MEGF10: variants seen among roughly 807,000 people sequenced by gnomAD.
The protein encoded by MEGF10 is multiple epidermal growth factor-like domains protein 10.
MEGF10 carries 86 observed loss-of-function variants against 147.5 expected under a neutral mutation model. The observed-to-expected ratio is 0.58, with a 90% CI of 0.49 to 0.70. The LOEUF is 0.70. Among genes scored for constraint, MEGF10 ranks in the 30% least tolerant of loss-of-function variants. The pLI is 0.00. For missense variants in MEGF10, 1,329 were observed against 1,487.3 expected, an observed-to-expected ratio of 0.89 and a Z score of 1.75; for synonymous variants, 478 against 525.5, an observed-to-expected ratio of 0.91 and a Z score of 1.24.
At chr5:127,259,926 G>T in the MEGF10 span, among the ~76,000 whole-genome samples, 728 of 152,276 alleles carry the variant, frequency 4.8e-3, 4 homozygotes, top group African/African-American at 0.017. Context: ...GGAGACTGAG[G>T]TGGGCAGATC....
At chr5:127,446,992 G>A (rs537514551) in intron 20 of MEGF10, among the ~76,000 whole-genome samples, 22 of 152,218 alleles carry the variant, frequency 1.4e-4, no homozygotes, top group Non-Finnish European at 2.5e-4. Context: ...CCACTCCTAT[G>A]GATCTTAAAT....
At chr5:127,419,387 C>G (rs923830205) in intron 11 of MEGF10, 147 bp downstream of exon 11, 6 of 943,048 alleles carry the variant, frequency 6.4e-6, no homozygotes, top group Admixed American at 2.5e-5. Flanking sequence ...CCAGTATGGG[C>G]TGGAACGCTT....
intron 1 of MEGF10, among the ~76,000 whole-genome samples, chr5:127,292,444 ATTG>A (rs1413908271): frequency 6.6e-6 from 1 of 152,222 alleles, no homozygotes; most frequent in African/African-American, 2.4e-5. Context: ...AGCATTAACT[ATTG>A]TTGTATCCCT....
At chr5:127,242,690 A>G in the MEGF10 span, among the ~76,000 whole-genome samples, 1 of 152,174 alleles carries the variant, frequency 6.6e-6, no homozygotes, top group Non-Finnish European at 1.5e-5. Flanking sequence ...ATTGTTTATT[A>G]GGTAAACTGC....
intron 23 of MEGF10, 27 bp downstream of exon 23, chr5:127,454,637 CAGA>C: frequency 6.3e-7 from 1 of 1,583,818 alleles, no homozygotes; most frequent in Non-Finnish European, 8.6e-7. Context: ...AAGAAGAAAT[CAGA>C]AGCACAATTA....
chr5:127,278,462 A>C, the MEGF10 span, among the ~76,000 whole-genome samples: 1 of 152,226 alleles, frequency 6.6e-6, no homozygotes, highest in Non-Finnish European at 1.5e-5. Flanking sequence ...AGTGAAGAGA[A>C]TAGCTGTAGG....
In MEGF10 at chr5:127,443,026, C is replaced by T. The variant is rs753273246; in HGVS notation, c.2391C>T (p.Gly797=). Residue 797 remains glycine (G), a synonymous_variant, in exon 19 of 25, where the codon GGC becomes GGT. Transcript: ENST00000503335. ...QKCPSGTYGY[G]CRQICDCLNN... The stretch of plus-strand genomic sequence containing the variant: ...GCCCTTCAGGAACATATGGCTATGG[C>T]TGTCGCCAGATATGTGATTGTCTGA... 4 of 1,613,464 alleles carry T rather than the reference C, an allele frequency of 2.5e-6. No homozygotes were observed. The African/African-American group carries it at 4.0e-5, about 16-fold the overall frequency.
intron 9 of MEGF10, among the ~76,000 whole-genome samples, chr5:127,412,899 C>G (rs74638597): frequency 0.021 from 3,147 of 152,250 alleles, 58 homozygotes; most frequent in Middle Eastern, 0.079. Flanking sequence ...GGTGATGGGG[C>G]TGACTGAGCC....
intron 5 of MEGF10, among the ~76,000 whole-genome samples, chr5:127,380,604 G>A (rs768827921): frequency 1.3e-5 from 2 of 150,892 alleles, no homozygotes; most frequent in African/African-American, 2.4e-5. Flanking sequence ...TGCAACCCCC[G>A]CCTCCTGGGT....
At chr5:127,395,365 C>T (rs970982120) in intron 5 of MEGF10, among the ~76,000 whole-genome samples, 7 of 151,708 alleles carry the variant, frequency 4.6e-5, no homozygotes, top group Non-Finnish European at 8.8e-5. Context: ...TTGTCTTTTA[C>T]CTGGTTTCGT....
At chr5:127,336,621 A>G (rs1294045878) in intron 2 of MEGF10, among the ~76,000 whole-genome samples, 1 of 152,114 alleles carries the variant, frequency 6.6e-6, no homozygotes, top group African/African-American at 2.4e-5. Flanking sequence ...ACTGGCCAGG[A>G]TGCATTTACT....
At chr5:127,400,991 T>C (rs921402969) in intron 7 of MEGF10, among the ~76,000 whole-genome samples, 2 of 152,216 alleles carry the variant, frequency 1.3e-5, no homozygotes, top group African/African-American at 4.8e-5. Flanking sequence ...TACCTTCATA[T>C]TGAAACGAAG....
Position 127,324,589 on chromosome 5 carries a change from G to A in MEGF10, c.-18-6702G>A, listed in dbSNP as rs75245911. Among the ~76,000 whole-genome samples the A allele has an allele frequency of 8.3e-3, 1,260 of 152,160 alleles. 19 individuals are homozygous for A. The highest frequency in any genetic ancestry group is 0.029 in the African/African-American group (1,202 of 41,516). ...CTAGGAAGGTCGTTCCACTTCACACGTGAGTGCAGTAACCTCCACACTCTG... is the reference window on the plus strand; with the variant it reads ...CTAGGAAGGTCGTTCCACTTCACACATGAGTGCAGTAACCTCCACACTCTG... On this transcript the variant is annotated intron_variant, in intron 1 of 24. Transcript: ENST00000503335.
intron 5 of MEGF10, among the ~76,000 whole-genome samples, chr5:127,381,991 A>G (rs1354347922): frequency 6.6e-6 from 1 of 152,182 alleles, no homozygotes; most frequent in Non-Finnish European, 1.5e-5. Flanking sequence ...TATTTTTATA[A>G]TTCGGCGTCT....
intron 13 of MEGF10, among the ~76,000 whole-genome samples, chr5:127,426,737 C>A (rs1161569348): frequency 3.3e-5 from 5 of 152,138 alleles, no homozygotes; most frequent in Non-Finnish European, 7.4e-5. Flanking sequence ...AGCATTTTCC[C>A]AAAATTACAG....
intron 1 of MEGF10, among the ~76,000 whole-genome samples, chr5:127,310,025 T>C (rs1164027175): frequency 0.075 from 2,258 of 30,284 alleles, 422 homozygotes; most frequent in African/African-American, 0.21. Context: ...TTTTTTTCTT[T>C]CTTTCTTTCC....
chr5:127,315,671 G>A (rs1760516695), intron 1 of MEGF10, among the ~76,000 whole-genome samples: 2 of 152,114 alleles, frequency 1.3e-5, no homozygotes, highest in East Asian at 1.9e-4. Flanking sequence ...CTACTCAGGA[G>A]GCTGAGGTGA....
the MEGF10 span, among the ~76,000 whole-genome samples, chr5:127,241,016 A>G: frequency 1.3e-5 from 2 of 152,150 alleles, no homozygotes; most frequent in Non-Finnish European, 2.9e-5. Context: ...TTGTTTTTAT[A>G]TATGTGGCTT....
intron 4 of MEGF10, among the ~76,000 whole-genome samples, chr5:127,353,193 G>A (rs1047633557): frequency 2.0e-5 from 3 of 152,148 alleles, no homozygotes; most frequent in Admixed American, 2.0e-4. Context: ...CTTGACCTAT[G>A]GAAAGGAGAG....
Sources: allele counts gnomAD v4.1 joint callset (sites outside exome capture counted in the v4.1 genomes callset), GRCh38; gene constraint gnomAD v4.1.1; transcripts MANE v1.5; gene names NCBI Gene and HGNC (gene_info 2026-07-23, HGNC 2026-07-21).